REV1: variants seen among roughly 807,000 people sequenced by gnomAD.
REV1 encodes the protein translesion synthesis protein REV1.
A neutral mutation model predicts 137.4 loss-of-function variants in REV1; 42 were observed. That is an observed-to-expected ratio of 0.31 (90% CI 0.24 to 0.40). The LOEUF (loss-of-function observed/expected upper bound fraction) is 0.40. REV1 is among the 10% of genes least tolerant of loss of function. REV1 has a pLI of 1.00. For synonymous variants in REV1, 524 were observed against 519.2 expected (o/e 1.01, Z -0.12); for missense variants, 1,282 against 1,490.1 (o/e 0.86, Z 2.30).
intron 9 of REV1, 103 bp downstream of exon 9, chr2:99,429,736 CT>C: frequency 2.8e-6 from 2 of 721,314 alleles, no homozygotes; most frequent in South Asian, 2.3e-5. Context: ...CATAACACGT[CT>C]GTAACATTTA....
At chr2:99,483,646 T>C (rs1209255186) in intron 1 of REV1, among the ~76,000 whole-genome samples, 2 of 152,226 alleles carry the variant, frequency 1.3e-5, no homozygotes, top group African/African-American at 4.8e-5. Flanking sequence ...TTTTTTCTAT[T>C]ATGTTCCAAT....
chr2:99,414,661 C>T (rs546860068), intron 12 of REV1, among the ~76,000 whole-genome samples: 35 of 152,108 alleles, frequency 2.3e-4, no homozygotes, highest in African/African-American at 8.2e-4. Flanking sequence ...TTTGTTATTT[C>T]TTTTTTGTCA....
intron 11 of REV1, among the ~76,000 whole-genome samples, chr2:99,419,978 T>C (rs1374464361): frequency 2.0e-5 from 3 of 152,146 alleles, no homozygotes; most frequent in Non-Finnish European, 4.4e-5. Flanking sequence ...GGAAAGGCAC[T>C]GAGGAGTGGA....
chr2:99,443,681 C>T (rs564758373), intron 4 of REV1, among the ~76,000 whole-genome samples: 18 of 152,138 alleles, frequency 1.2e-4, no homozygotes, highest in South Asian at 2.1e-4. Context: ...CTATACTAGT[C>T]GCAAGACATG....
chr2:99,442,621 C>T (rs1478967260), intron 4 of REV1, 152 bp from the exon 5 acceptor site: 2 of 690,282 alleles, frequency 2.9e-6, no homozygotes, highest in Admixed American at 5.8e-5. Flanking sequence ...TTTAGTGGTC[C>T]TAATACAATA....
At chr2:99,424,849 T>C in intron 9 of REV1, 1 of 1,304,218 alleles carries the variant, frequency 7.7e-7, no homozygotes, top group Non-Finnish European at 1.0e-6. Flanking sequence ...GCATTGTACA[T>C]GGTAGGACAT....
intron 11 of REV1, among the ~76,000 whole-genome samples, chr2:99,421,066 T>G (rs1559315207): frequency 6.6e-6 from 1 of 152,144 alleles, no homozygotes; most frequent in Non-Finnish European, 1.5e-5. Flanking sequence ...GGACAGTTAC[T>G]GAGAGCACTT....
intron 4 of REV1, among the ~76,000 whole-genome samples, chr2:99,448,448 T>G (rs1264981321): frequency 6.6e-6 from 1 of 152,190 alleles, no homozygotes; most frequent in Non-Finnish European, 1.5e-5. Flanking sequence ...AATATGAATG[T>G]CACCACTGAT....
rs1559350476 is a variant in REV1, at chr2:99,439,088, CA to C, written c.725del (p.Leu242TrpfsTer127). On this transcript the variant is annotated frameshift_variant, in exon 6 of 23. Coordinates refer to ENST00000258428, the MANE Select transcript of REV1 (RefSeq NM_016316.4). LOFTEE classifies it high-confidence loss of function. ...TGGCAACACTGTTGACCATGGGCAC[CA>C]AGCAATCCTGTGTCTTTAAGGCACC... ...SNGALKTQDCLVPMVNSVASR... is the reference protein window; with the variant it reads ...SNGALKTQDCXVPMVNSVASR... The C allele has an allele frequency of 6.2e-7, 1 of 1,614,038 alleles. No homozygotes were observed. The highest frequency in any genetic ancestry group is 8.5e-7 in the Non-Finnish European group (1 of 1,179,990).
chr2:99,478,539 A>C (rs949950420), intron 1 of REV1, among the ~76,000 whole-genome samples: 1 of 152,222 alleles, frequency 6.6e-6, no homozygotes, highest in Non-Finnish European at 1.5e-5. Context: ...GAAGTGGTAT[A>C]ATCTCACAGG....
At chr2:99,465,485 T>C (rs1301079069) in intron 1 of REV1, among the ~76,000 whole-genome samples, 2 of 152,222 alleles carry the variant, frequency 1.3e-5, no homozygotes, top group Non-Finnish European at 2.9e-5. Context: ...TTAAAAATGA[T>C]GCAGAAAAGA....
intron 10 of REV1, among the ~76,000 whole-genome samples, chr2:99,423,627 T>C (rs1488818841): frequency 6.6e-6 from 1 of 152,186 alleles, no homozygotes; most frequent in African/African-American, 2.4e-5. Context: ...ATTTTTAAAA[T>C]TAATCACCTT....
chr2:99,450,404 C>A (rs1682788249), intron 3 of REV1, among the ~76,000 whole-genome samples: 1 of 152,192 alleles, frequency 6.6e-6, no homozygotes, highest in South Asian at 2.1e-4. Context: ...ACTCACACCT[C>A]CCCTAACAAC....
chr2:99,421,634 C>T lies in REV1; in HGVS notation c.1696G>A (p.Ala566Thr), dbSNP rs1678686750. 6.2e-7 allele frequency: 1 copy of T among 1,613,990 alleles called. No homozygotes were observed. The highest frequency in any genetic ancestry group is 2.2e-5 in the East Asian group (1 of 44,874). Residue 566 changes from alanine to threonine, a missense_variant, in exon 11 of 23, where the codon GCT becomes ACT. Coordinates refer to ENST00000258428, the MANE Select transcript of REV1 (RefSeq NM_016316.4). ...ACCAGCGCTTCATCACAACTGACAG[C>T]TTCAATGTTATGAGTGTAGCTATCA... ...TLASYTHNIE[A>T]VSCDEALVDI...
chr2:99,444,272 A>AT (rs1026938112), intron 4 of REV1, among the ~76,000 whole-genome samples: 10 of 152,248 alleles, frequency 6.6e-5, no homozygotes, highest in Admixed American at 5.9e-4. Flanking sequence ...TCCATCCTTT[A>AT]TCATAGATAG....
intron 1 of REV1, among the ~76,000 whole-genome samples, chr2:99,482,363 A>G (rs1225310185): frequency 6.6e-6 from 1 of 152,204 alleles, no homozygotes; most frequent in East Asian, 1.9e-4. Context: ...TTCCAAGAAC[A>G]GCACTTTCCT....
chr2:99,424,977 A>G (rs530044218), intron 9 of REV1: 24 of 1,026,364 alleles, frequency 2.3e-5, no homozygotes, highest in Admixed American at 6.9e-5. Flanking sequence ...CATTCACCAC[A>G]AAACTATAAT....
chr2:99,428,978 C>T (rs537679651), intron 9 of REV1, among the ~76,000 whole-genome samples: 30 of 133,910 alleles, frequency 2.2e-4, no homozygotes, highest in African/African-American at 5.4e-4. Flanking sequence ...GGTGACAGAG[C>T]GAGACTCCGT....
At chr2:99,480,045 T>C (rs1388859148) in intron 1 of REV1, among the ~76,000 whole-genome samples, 2 of 152,006 alleles carry the variant, frequency 1.3e-5, no homozygotes, top group African/African-American at 2.4e-5. Context: ...AAGGGCCGAG[T>C]GCAGTGGCTC....
Sources: allele counts gnomAD v4.1 joint callset (sites outside exome capture counted in the v4.1 genomes callset), GRCh38; gene constraint gnomAD v4.1.1; transcripts MANE v1.5; gene names NCBI Gene and HGNC (gene_info 2026-07-23, HGNC 2026-07-21).